Variants in FRAS1 observed in about 807,000 individuals in gnomAD.
The protein encoded by FRAS1 is extracellular matrix organizing protein FRAS1.
Under a neutral mutation model 435.2 loss-of-function variants are expected in FRAS1, and 290 were observed. The observed-to-expected ratio is 0.67, with a 90% CI of 0.61 to 0.73. The LOEUF (loss-of-function observed/expected upper bound fraction) is 0.73, where lower values mean the gene tolerates loss of function less well. Ranked by LOEUF, FRAS1 falls within the 30% of genes least tolerant of loss-of-function variation. FRAS1 has a pLI of 0.00. For missense variants in FRAS1, 4,860 were observed against 5,001.5 expected (o/e 0.97, Z 0.85); for synonymous variants, 1,800 against 1,851.0 (o/e 0.97, Z 0.71).
At position 78,207,803 on chromosome 4, in the gene FRAS1, T is replaced by C. The variant is rs955431826; in HGVS notation, c.109-29707T>C. On this transcript the variant is annotated intron_variant, in intron 2 of 73. Coordinates refer to ENST00000512123, the MANE Select transcript of FRAS1 (RefSeq NM_025074.7). ...GTCCTTTGCAGGGTGAGTAAATACA[T>C]GAGGCAAAATGCACCATCAAGCCTT... is the stretch of plus-strand genomic sequence containing the variant. Among the ~76,000 whole-genome samples the C allele has an allele frequency of 2.6e-5, 4 of 152,164 alleles. No individual in the cohort carries two copies. The South Asian group carries it at 8.3e-4, about 32-fold the overall frequency.
At chr4:78,070,249 A>G (rs1560506735) in intron 2 of FRAS1, among the ~76,000 whole-genome samples, 1 of 40,274 alleles carries the variant, frequency 2.5e-5, no homozygotes, top group African/African-American at 7.3e-5. Flanking sequence ...ATATATGTAT[A>G]TAAGTGTATA....
At chr4:78,228,169 A>G (rs1393518979) in intron 2 of FRAS1, among the ~76,000 whole-genome samples, 2 of 152,212 alleles carry the variant, frequency 1.3e-5, no homozygotes, top group African/African-American at 2.4e-5. Flanking sequence ...AACATTTTGA[A>G]TGTTTACTTT....
At chr4:78,296,001 C>T (rs345506) in intron 14 of FRAS1, among the ~76,000 whole-genome samples, 8,678 of 151,894 alleles carry the variant, frequency 0.057, 695 homozygotes, top group African/African-American at 0.18. Context: ...GATCCACCCG[C>T]GTTGGCCTCC....
At chr4:78,116,161 G>C (rs1234260072) in intron 2 of FRAS1, among the ~76,000 whole-genome samples, 1 of 152,168 alleles carries the variant, frequency 6.6e-6, no homozygotes, top group African/African-American at 2.4e-5. Context: ...TCTTAATCCT[G>C]AGTTCTAGTT....
intron 2 of FRAS1, among the ~76,000 whole-genome samples, chr4:78,221,351 T>C (rs1468083695): frequency 6.6e-6 from 1 of 152,210 alleles, no homozygotes; most frequent in Admixed American, 6.5e-5. Context: ...AAAGCTAACT[T>C]GATGGTAAAC....
At chr4:78,267,846 C>T (rs1327332243) in intron 9 of FRAS1, among the ~76,000 whole-genome samples, 5 of 152,172 alleles carry the variant, frequency 3.3e-5, no homozygotes, top group African/African-American at 1.2e-4. Flanking sequence ...CAGCATTTAG[C>T]AGAACGAGAG....
intron 43 of FRAS1, among the ~76,000 whole-genome samples, chr4:78,447,741 A>G (rs1718898093): frequency 6.6e-6 from 1 of 152,234 alleles, no homozygotes; most frequent in African/African-American, 2.4e-5. Flanking sequence ...TAAGATTTAG[A>G]TAATGAAGTG....
intron 1 of FRAS1, among the ~76,000 whole-genome samples, chr4:78,065,083 T>TATATATATATATATATATATACACACAC: frequency 7.1e-6 from 1 of 140,600 alleles, no homozygotes; most frequent in African/African-American, 2.6e-5. Flanking sequence ...TATATATATA[T>TATATATATATATATATATATACACACAC]ACATACACAC....
chr4:78,396,096 CTT>C (rs1285900176), intron 29 of FRAS1, among the ~76,000 whole-genome samples: 3 of 152,078 alleles, frequency 2.0e-5, no homozygotes, highest in African/African-American at 7.2e-5. Context: ...AGATGACTAA[CTT>C]ATCTCCAATT....
At position 78,425,291 on chromosome 4, in the gene FRAS1, G is replaced by T. The variant is rs117247649; in HGVS notation, c.4711+871G>T. ...ACCCAGAGGCGAGTTGAGAAACTTG[G>T]GTGTGGAAGACCTCTGCTTTCCTAG... On this transcript the variant is annotated intron_variant, in intron 35 of 73. Transcript: ENST00000512123. Among the ~76,000 whole-genome samples, 18 of 152,172 alleles carry T rather than the reference G, an allele frequency of 1.2e-4. No homozygotes were observed. The East Asian group carries it at 3.1e-3, about 26-fold the overall frequency.
rs1172533095 is a variant in FRAS1 at position 78,337,805 on chromosome 4, G to C, written c.2410G>C (p.Gly804Arg). 6.2e-7 allele frequency: 1 copy of C among 1,613,818 alleles called. No individual in the cohort carries two copies. Among genetic ancestry groups the C allele is most frequent in the East Asian group, 2.2e-5 (1 of 44,874 alleles). ...GGAAGAGCAGTTCCTCAACCTCGTG[G>C]GATACTGTGCTGGTGAGTGAAACTC... ...CREEQFLNLV[G>R]YCADCHHLCQ... Residue 804 changes from glycine (G) to arginine (R), a missense_variant, in exon 20 of 74, where the codon GGA becomes CGA. Coordinates refer to ENST00000512123, the MANE Select transcript of FRAS1 (RefSeq NM_025074.7).
chr4:78,463,306 AAATAGAGAAAAATT>A (rs545232119), intron 47 of FRAS1, among the ~76,000 whole-genome samples: 76 of 152,304 alleles, frequency 5.0e-4, no homozygotes, highest in African/African-American at 1.8e-3. Flanking sequence ...GGAATGAAAT[AAATAGAGAAAAATT>A]AATAGAGAAA....
At chr4:78,443,037 C>T (rs1369888384) in intron 41 of FRAS1, among the ~76,000 whole-genome samples, 3 of 152,166 alleles carry the variant, frequency 2.0e-5, no homozygotes, top group Non-Finnish European at 4.4e-5. Flanking sequence ...CTGTTTAGAG[C>T]TGAGTGTGAC....
At chr4:78,138,070 C>T (rs1427661643) in intron 2 of FRAS1, among the ~76,000 whole-genome samples, 1 of 152,144 alleles carries the variant, frequency 6.6e-6, no homozygotes, top group Non-Finnish European at 1.5e-5. Flanking sequence ...ACTCCCCTAC[C>T]AGGAGCTTGT....
chr4:78,123,037 A>C (rs1169483425), intron 2 of FRAS1, among the ~76,000 whole-genome samples: 1 of 152,220 alleles, frequency 6.6e-6, no homozygotes, highest in Non-Finnish European at 1.5e-5. Context: ...TGTTTTAGAC[A>C]TGAAGGCTTT....
At chr4:78,471,640 A>C (rs1719712746) in intron 51 of FRAS1, among the ~76,000 whole-genome samples, 1 of 152,226 alleles carries the variant, frequency 6.6e-6, no homozygotes, top group Non-Finnish European at 1.5e-5. Flanking sequence ...TCTTTGCTCA[A>C]ATCTTGGCTC....
intron 22 of FRAS1, among the ~76,000 whole-genome samples, chr4:78,365,059 G>A (rs985214665): frequency 6.6e-6 from 1 of 152,136 alleles, no homozygotes; most frequent in African/African-American, 2.4e-5. Flanking sequence ...CCATAGTGGA[G>A]AATAAGTTGT....
At chr4:78,277,024 C>T (rs1727078880) in intron 9 of FRAS1, among the ~76,000 whole-genome samples, 1 of 152,156 alleles carries the variant, frequency 6.6e-6, no homozygotes, top group Non-Finnish European at 1.5e-5. Context: ...GCATGCACCC[C>T]TCCCCCAGCC....
intron 14 of FRAS1, among the ~76,000 whole-genome samples, chr4:78,299,197 G>A (rs975865474): frequency 6.6e-6 from 1 of 152,222 alleles, no homozygotes; most frequent in African/African-American, 2.4e-5. Flanking sequence ...GGAGATAGTG[G>A]AAGATGGAGC....
Sources: allele counts gnomAD v4.1 joint callset (sites outside exome capture counted in the v4.1 genomes callset), GRCh38; gene constraint gnomAD v4.1.1; transcripts MANE v1.5; gene names NCBI Gene and HGNC (gene_info 2026-07-23, HGNC 2026-07-21).